SENP6: variants seen among roughly 807,000 people sequenced by gnomAD.
SENP6 encodes the protein sentrin-specific protease 6.
A neutral mutation model predicts 134.5 loss-of-function variants in SENP6; 41 were observed. The observed-to-expected ratio is 0.30, with a 90% CI of 0.24 to 0.40. The LOEUF is 0.40. Ranked by LOEUF, SENP6 falls within the 10% of genes least tolerant of loss-of-function variation. SENP6 has a pLI of 1.00. For missense variants in SENP6, 1,248 were observed against 1,312.5 expected (o/e 0.95, Z 0.76); for synonymous variants, 395 against 429.8 (o/e 0.92, Z 1.00).
At chr6:75,619,721 G>A (rs969637248) in intron 1 of SENP6, among the ~76,000 whole-genome samples, 2 of 152,060 alleles carry the variant, frequency 1.3e-5, no homozygotes, top group East Asian at 1.9e-4. Flanking sequence ...ACTGTTTTGC[G>A]TTCCCACTAG....
chr6:75,658,973 C>CAAAA (rs1412151177), intron 7 of SENP6, among the ~76,000 whole-genome samples: 5 of 28,536 alleles, frequency 1.8e-4, no homozygotes, highest in African/African-American at 4.1e-4. Flanking sequence ...CCTTGTCTCC[C>CAAAA]CAAAAAAAAA....
chr6:75,678,980 CT>C (rs778813611), intron 16 of SENP6, 53 bp downstream of exon 16: 3 of 878,836 alleles, frequency 3.4e-6, no homozygotes, highest in African/African-American at 3.4e-5. Context: ...TCCGTCATAT[CT>C]TATGTCTTTG....
At chr6:75,622,221 T>A (rs1476301310) in intron 2 of SENP6, among the ~76,000 whole-genome samples, 1 of 152,242 alleles carries the variant, frequency 6.6e-6, no homozygotes, top group Non-Finnish European at 1.5e-5. Context: ...ATAGTTTTAA[T>A]AGAACTTTTT....
At chr6:75,653,278 G>A (rs1021324180) in intron 7 of SENP6, among the ~76,000 whole-genome samples, 105 of 152,082 alleles carry the variant, frequency 6.9e-4, no homozygotes, top group African/African-American at 2.4e-3. Context: ...TGATCCCCCC[G>A]CCTCGGCCTC....
At chr6:75,704,900 A>C (rs1361657417) in intron 19 of SENP6, among the ~76,000 whole-genome samples, 2 of 152,188 alleles carry the variant, frequency 1.3e-5, no homozygotes, top group African/African-American at 2.4e-5. Context: ...AGATCCCTTA[A>C]ACCTTGATTC....
chr6:75,606,991 A>G (rs1323812456), intron 1 of SENP6, among the ~76,000 whole-genome samples: 2 of 152,170 alleles, frequency 1.3e-5, no homozygotes, highest in Non-Finnish European at 2.9e-5. Context: ...AGGGAGGACA[A>G]TAATGGTGTC....
At position 75,669,617 on chromosome 6, in the gene SENP6, A is replaced by C. The variant is rs756539335; in HGVS notation, c.1225-936A>C. 1.6e-4 allele frequency among the ~76,000 whole-genome samples: 25 copies of C among 152,158 alleles called. 1 individual carries two copies. Among genetic ancestry groups the C allele is most frequent in the Non-Finnish European group, 3.5e-4 (24 of 68,016 alleles). ...GTAATTAAAATTACATACCTATATG[A>C]AGTGTTTATGATAAATTTCTATTTG... On this transcript the variant is annotated intron_variant, in intron 10 of 23. Coordinates refer to ENST00000447266, the MANE Select transcript of SENP6 (RefSeq NM_015571.4).
chr6:75,692,482 T>C (rs999046437), intron 16 of SENP6, among the ~76,000 whole-genome samples: 5 of 151,444 alleles, frequency 3.3e-5, no homozygotes, highest in Non-Finnish European at 7.4e-5. Flanking sequence ...AAAAAATTAG[T>C]TGGGCATGGT....
intron 7 of SENP6, among the ~76,000 whole-genome samples, chr6:75,651,969 A>G (rs1562007512): frequency 1.3e-5 from 2 of 152,024 alleles, no homozygotes; most frequent in Non-Finnish European, 2.9e-5. Flanking sequence ...TGAGCCCAGG[A>G]GTTTGAGACC....
chr6:75,693,907 C>T (rs183182586), intron 16 of SENP6, among the ~76,000 whole-genome samples: 172 of 152,116 alleles, frequency 1.1e-3, no homozygotes, highest in African/African-American at 3.9e-3. Flanking sequence ...GTGATATAAA[C>T]GACTATTGTT....
chr6:75,671,560 A>T (rs1185082033), intron 11 of SENP6, among the ~76,000 whole-genome samples: 1 of 152,126 alleles, frequency 6.6e-6, no homozygotes, highest in African/African-American at 2.4e-5. Context: ...CATCTCTACT[A>T]AAAATAGAAA....
chr6:75,617,432 C>T (rs999285121), intron 1 of SENP6, among the ~76,000 whole-genome samples: 1 of 151,706 alleles, frequency 6.6e-6, no homozygotes, highest in Non-Finnish European at 1.5e-5. Flanking sequence ...CACCACCACA[C>T]CGGCTAATTT....
intron 19 of SENP6, among the ~76,000 whole-genome samples, chr6:75,706,622 C>G (rs1410401320): frequency 6.6e-6 from 1 of 152,166 alleles, no homozygotes; most frequent in Non-Finnish European, 1.5e-5. Context: ...CTTCTTAATA[C>G]TTGTATATCC....
At chr6:75,662,485 AT>A (rs1771862413) in intron 8 of SENP6, among the ~76,000 whole-genome samples, 1 of 152,184 alleles carries the variant, frequency 6.6e-6, no homozygotes, top group African/African-American at 2.4e-5. Flanking sequence ...TAAAATTTTT[AT>A]GAAAATTTAT....
intron 16 of SENP6, among the ~76,000 whole-genome samples, chr6:75,681,885 AAAAC>A (rs2149882903): frequency 6.6e-6 from 1 of 152,240 alleles, no homozygotes; most frequent in South Asian, 2.1e-4. Flanking sequence ...AAAAATATAA[AAAAC>A]AAGGAAGAAA....
chr6:75,602,865 T>TA (rs1392164782), intron 1 of SENP6, among the ~76,000 whole-genome samples: 1 of 152,186 alleles, frequency 6.6e-6, no homozygotes, highest in Non-Finnish European at 1.5e-5. Flanking sequence ...CTTTGACATT[T>TA]AAAAAATTTT....
intron 7 of SENP6, among the ~76,000 whole-genome samples, chr6:75,648,451 A>G (rs1770620182): frequency 1.3e-5 from 2 of 152,272 alleles, no homozygotes; most frequent in African/African-American, 4.8e-5. Flanking sequence ...TACTTCCAAA[A>G]TAGAATAATT....
At chr6:75,681,458 ATTTCT>A (rs1430197522) in intron 16 of SENP6, among the ~76,000 whole-genome samples, 5 of 148,952 alleles carry the variant, frequency 3.4e-5, no homozygotes, top group Non-Finnish European at 3.0e-5. Flanking sequence ...AGTCTCAGGT[ATTTCT>A]TTTTTTTTTT....
chr6:75,610,874 T>TC (rs1166238589), intron 1 of SENP6: 1 of 125,742 alleles, frequency 8.0e-6, no homozygotes, highest in African/African-American at 2.8e-5. Context: ...ATGCGTTTTT[T>TC]CCCCCTCCCA....
Sources: gnomAD v4.1 joint callset for allele counts (sites outside exome capture counted in the v4.1 genomes callset) on GRCh38, gnomAD v4.1.1 for gene constraint, MANE v1.5 for transcripts, NCBI Gene and HGNC (gene_info 2026-07-23, HGNC 2026-07-21) for gene names.